The following CHST9 variants were observed in gnomAD, a reference collection of about 807,000 sequenced individuals.
CHST9 encodes carbohydrate sulfotransferase 9.
In CHST9, 41 loss-of-function variants were observed where a neutral mutation model predicts 44.4. The observed-to-expected ratio is 0.92, with a 90% confidence interval of 0.72 to 1.20. The LOEUF is 1.20. CHST9 is among the 50% of genes most tolerant of loss of function. The probability of loss-of-function intolerance (pLI) is 0.00; values close to 1 mark genes in which losing one functional copy is unlikely to be tolerated. For missense variants in CHST9, 504 were observed against 516.5 expected (o/e 0.98, Z 0.23); for synonymous variants, 171 against 178.4 (o/e 0.96, Z 0.33).
At chr18:27,074,244 C>T (rs1233676559) in intron 2 of CHST9, among the ~76,000 whole-genome samples, 1 of 152,122 alleles carries the variant, frequency 6.6e-6, no homozygotes, top group Non-Finnish European at 1.5e-5. Context: ...TTATTTTGGC[C>T]AGCTTAGCAT....
chr18:26,963,120 G>A (rs547634399), intron 4 of CHST9, among the ~76,000 whole-genome samples: 64 of 152,264 alleles, frequency 4.2e-4, no homozygotes, highest in African/African-American at 1.4e-3. Flanking sequence ...ATTGGGCATA[G>A]AGTGAATGAA....
intron 4 of CHST9, among the ~76,000 whole-genome samples, chr18:26,975,566 A>T (rs904209894): frequency 3.3e-5 from 5 of 150,842 alleles, no homozygotes; most frequent in African/African-American, 7.3e-5. Flanking sequence ...ACTTAAAATA[A>T]TGGCATTCAG....
intron 2 of CHST9, among the ~76,000 whole-genome samples, chr18:27,086,304 T>C (rs1418293965): frequency 6.6e-6 from 1 of 152,196 alleles, no homozygotes; most frequent in Non-Finnish European, 1.5e-5. Context: ...GTATAACAGT[T>C]CAAAGTGAAT....
intron 4 of CHST9, among the ~76,000 whole-genome samples, chr18:27,016,797 T>C (rs1159412576): frequency 1.3e-5 from 2 of 152,230 alleles, no homozygotes; most frequent in African/African-American, 2.4e-5. Context: ...AGATATAGTA[T>C]GCACATATGA....
rs897929099 is a variant in CHST9 at position 27,153,224 on chromosome 18, T to C, written c.-96-10319A>G. On this transcript the variant is annotated intron_variant, in intron 1 of 5. Transcript: ENST00000618847. ...TGTCATCCTATGCTCCTTGTCAAAA[T>C]AGTTGGTTCGGGAATGACCACTTAT... 3.3e-5 allele frequency among the ~76,000 whole-genome samples: 5 copies of C among 152,292 alleles called. No individual in the cohort carries two copies. In the South Asian group the frequency reaches 1.0e-3, roughly 32 times the overall value.
chr18:26,977,682 G>A (rs183639143), intron 4 of CHST9, among the ~76,000 whole-genome samples: 368 of 152,120 alleles, frequency 2.4e-3, no homozygotes, highest in Middle Eastern at 3.4e-3. Flanking sequence ...ATAAGCATCC[G>A]AAAAAGAATA....
chr18:27,141,589 C>T lies in CHST9; in HGVS notation c.121+1100G>A, dbSNP rs765039982. Among the ~76,000 whole-genome samples the T allele has an allele frequency of 7.1e-3, 168 of 23,744 alleles. 1 individual carries two copies. The highest frequency in any genetic ancestry group is 0.012 in the South Asian group (8 of 676). 15.6% of individuals were successfully genotyped at this position (23,744 alleles called of 152,430 possible). A position where few individuals can be genotyped will look rare whatever the true frequency, so the allele number is the denominator to read the frequency against. On this transcript the variant is annotated intron_variant, in intron 2 of 5. Coordinates refer to ENST00000618847, the MANE Select transcript of CHST9 (RefSeq NM_031422.6). ...CTGGGCGACAGGAGTAAAATCCCGA[C>T]TCAAAAAAAAAAAAAAAAAAAAAAA...
intron 2 of CHST9, among the ~76,000 whole-genome samples, chr18:27,067,228 G>A (rs183311639): frequency 6.6e-4 from 101 of 151,912 alleles, no homozygotes; most frequent in African/African-American, 1.2e-3. Context: ...CACCATAACC[G>A]ACTTTTTTTT....
At chr18:26,961,053 G>C (rs2056392414) in intron 4 of CHST9, among the ~76,000 whole-genome samples, 1 of 152,178 alleles carries the variant, frequency 6.6e-6, no homozygotes, top group Non-Finnish European at 1.5e-5. Context: ...ACTTCTGTGG[G>C]ATAAGGCTAT....
chr18:27,017,567 T>C (rs1033935132), intron 4 of CHST9, among the ~76,000 whole-genome samples: 3 of 152,124 alleles, frequency 2.0e-5, no homozygotes, highest in African/African-American at 7.2e-5. Context: ...TGGTGAAATA[T>C]GTAAGAAGTG....
intron 5 of CHST9, among the ~76,000 whole-genome samples, chr18:26,924,016 C>T (rs1284820521): frequency 6.6e-6 from 1 of 152,056 alleles, no homozygotes; most frequent in Non-Finnish European, 1.5e-5. Flanking sequence ...GGTGTCATTC[C>T]AGGAGGGCCT....
At chr18:27,151,894 T>G (rs2143899438) in intron 1 of CHST9, among the ~76,000 whole-genome samples, 1 of 152,290 alleles carries the variant, frequency 6.6e-6, no homozygotes, top group South Asian at 2.1e-4. Context: ...GCCACCAAAT[T>G]TGTGATAATC....
intron 1 of CHST9, among the ~76,000 whole-genome samples, chr18:27,175,120 A>G (rs1217664349): frequency 1.3e-5 from 2 of 152,064 alleles, no homozygotes; most frequent in Admixed American, 1.3e-4. Flanking sequence ...CTTTTGTGCA[A>G]TTCTTAAAAA....
chr18:27,061,660 T>C (rs557605634), intron 2 of CHST9, among the ~76,000 whole-genome samples: 1 of 146,928 alleles, frequency 6.8e-6, no homozygotes, highest in African/African-American at 2.4e-5. Context: ...GCCCGAGGAG[T>C]GTTCAAAGGA....
intron 5 of CHST9, chr18:26,936,276 G>A (rs566639808): frequency 3.3e-5 from 5 of 151,660 alleles, no homozygotes; most frequent in South Asian, 2.1e-4. Context: ...TTTGCATATC[G>A]CCAGAAAATA....
rs1472317973 is a variant in CHST9, at chr18:26,913,151, A to G, written c.*3108T>C. On this transcript the variant is annotated 3_prime_UTR_variant, in exon 6 of 6. Coordinates refer to ENST00000618847, the MANE Select transcript of CHST9 (RefSeq NM_031422.6). Reference sequence around the variant, plus strand: ...ATCTTCTTATATATACCTTCTGCTAAATACTATACATTTTAGGAGATAAGA... The same window carrying G: ...ATCTTCTTATATATACCTTCTGCTAGATACTATACATTTTAGGAGATAAGA... The G allele has an allele frequency of 3.9e-5, 6 of 152,204 alleles. No homozygotes were observed. Among genetic ancestry groups the G allele is most frequent in the African/African-American group, 1.4e-4 (6 of 41,462 alleles). The allele number at this position is 152,204 out of a possible 1,614,324, so 9.4% of individuals were successfully genotyped here.
intron 4 of CHST9, among the ~76,000 whole-genome samples, chr18:27,009,449 CT>C (rs1469096723): frequency 1.3e-5 from 2 of 152,062 alleles, no homozygotes; most frequent in African/African-American, 4.8e-5. Flanking sequence ...TGATCCTTTA[CT>C]AAAAAAAATA....
At chr18:27,137,288 A>G (rs1244363884) in intron 2 of CHST9, among the ~76,000 whole-genome samples, 1 of 94,114 alleles carries the variant, frequency 1.1e-5, no homozygotes, top group Non-Finnish European at 2.3e-5. Context: ...ATCTGTATAT[A>G]TTGATTTATT....
intron 4 of CHST9, 131 bp downstream of exon 4, chr18:27,023,985 C>T: frequency 1.2e-6 from 1 of 868,040 alleles, no homozygotes. Flanking sequence ...CTAGGCAGTG[C>T]TTCCTAGGGA....
Sources: gnomAD v4.1 joint callset for allele counts (sites outside exome capture counted in the v4.1 genomes callset) on GRCh38, gnomAD v4.1.1 for gene constraint, MANE v1.5 for transcripts, NCBI Gene and HGNC (gene_info 2026-07-23, HGNC 2026-07-21) for gene names.